The following ARVCF variants were observed in gnomAD, a reference collection of about 807,000 sequenced individuals.
The protein encoded by ARVCF is ARVCF delta catenin family member.
A neutral mutation model predicts 90.9 loss-of-function variants in ARVCF; 66 were observed. The observed-to-expected ratio is 0.73, with a 90% CI of 0.60 to 0.89. ARVCF has a LOEUF of 0.89. Among genes scored for constraint, ARVCF ranks in the 40% least tolerant of loss-of-function variants. The pLI, the probability that ARVCF is intolerant of heterozygous loss-of-function variation, is 0.00. For missense variants in ARVCF, 1,469 were observed against 1,382.3 expected, an observed-to-expected ratio of 1.06 and a Z score of -1.00; for synonymous variants, 653 against 603.4, an observed-to-expected ratio of 1.08 and a Z score of -1.21.
intron 14 of ARVCF, 40 bp from the exon 15 acceptor site, chr22:19,973,076 C>G: frequency 3.1e-6 from 5 of 1,607,508 alleles, no homozygotes; most frequent in Non-Finnish European, 4.2e-6. Flanking sequence ...GCCCCTCCCC[C>G]ACCTCCGCGG....
chr22:19,971,550 G>C (rs1942789716), intron 18 of ARVCF, among the ~76,000 whole-genome samples: 1 of 152,210 alleles, frequency 6.6e-6, no homozygotes, highest in Admixed American at 6.5e-5. Flanking sequence ...AGGAAGCCAG[G>C]GGATTGGCAC....
At position 20,012,090 on chromosome 22, in the gene ARVCF, C is replaced by CA. The variant is rs1555954492; in HGVS notation, c.-72-1583dup. 1.6e-4 allele frequency among the ~76,000 whole-genome samples: 24 copies of CA among 146,338 alleles called. No individual in the cohort carries two copies. The Middle Eastern group carries it at 0.011, about 66-fold the overall frequency. ...CAGGCCTCCCAAAGTCCCCCCCCCCCACCCAGTTGGGGAAGTGTGACCAAA... is the reference window on the plus strand; with the variant it reads ...CAGGCCTCCCAAAGTCCCCCCCCCCCAACCCAGTTGGGGAAGTGTGACCAAA... On this transcript the variant is annotated intron_variant, in intron 1 of 19. Coordinates refer to ENST00000263207, the MANE Select transcript of ARVCF (RefSeq NM_001670.3).
chr22:19,966,377 G>C (rs895425888), downstream of ARVCF, among the ~76,000 whole-genome samples: 2 of 151,082 alleles, frequency 1.3e-5, no homozygotes, highest in Non-Finnish European at 2.9e-5. Flanking sequence ...CCTCTCCACC[G>C]GGCTGCTGTA....
chr22:19,976,788 C>T, intron 9 of ARVCF, 65 bp from the exon 10 acceptor site: 4 of 1,535,096 alleles, frequency 2.6e-6, no homozygotes, highest in East Asian at 2.4e-5. Flanking sequence ...TCATCACCCC[C>T]CCATGCCCTC....
intron 3 of ARVCF, among the ~76,000 whole-genome samples, chr22:19,982,491 C>G (rs2238780): frequency 0.92 from 139,674 of 152,162 alleles, 64,676 homozygotes; most frequent in African/African-American, 0.97. Flanking sequence ...AGACCTGCAG[C>G]ATGCCTTCCT....
rs750153012 is a variant in ARVCF, at chr22:19,972,822, A to G, written c.2556T>C (p.Ala852=). 20 of 1,613,644 alleles carry G rather than the reference A, an allele frequency of 1.2e-5. No homozygotes were observed. The African/African-American group carries it at 2.5e-4, about 20-fold the overall frequency. Residue 852 remains alanine, a synonymous_variant, in exon 16 of 20, where the codon GCT becomes GCC. Coordinates refer to ENST00000263207, the MANE Select transcript of ARVCF (RefSeq NM_001670.3). ...CCTTAGGCCCCTTGGCAGTAGCAGC[A>G]GCTGACTGAGACATAAAACACAGAC... is the stretch of plus-strand genomic sequence containing the variant. ...DGWTKARFQS[A]AATAKGPKGA...
At chr22:19,973,456 T>G (rs886089368) in intron 13 of ARVCF, 139 bp from the exon 14 acceptor site, 7 of 1,326,152 alleles carry the variant, frequency 5.3e-6, no homozygotes, top group African/African-American at 1.5e-5. Context: ...GGAGCCCCTG[T>G]GAGCAGGGCG....
At position 19,996,679 on chromosome 22, in the gene ARVCF, C is replaced by T. The variant is rs1360901043; in HGVS notation, c.-18-5867G>A. ...CTGCCCCTGCCAGTCTACCACTCCT[C>T]GAAGCACGCGCCGCTGGCATAATCA... On this transcript the variant is annotated intron_variant, in intron 2 of 19. Transcript: ENST00000263207. 3.9e-5 allele frequency among the ~76,000 whole-genome samples: 6 copies of T among 152,212 alleles called. No individual in the cohort carries two copies. In the South Asian group the frequency reaches 1.2e-3, roughly 32 times the overall value.
chr22:19,992,410 C>A (rs56237973), intron 2 of ARVCF, among the ~76,000 whole-genome samples: 7,446 of 152,272 alleles, frequency 0.049, 211 homozygotes, highest in South Asian at 0.084. Context: ...CTGCACTCCC[C>A]AAGCATGGTC....
Position 19,981,422 on chromosome 22 carries a change from G to C in ARVCF, c.685C>G (p.Leu229Val), listed in dbSNP as rs1943491829. ...GPGPGDGCFTLPGHREAFPVG... is the reference protein window; with the variant it reads ...GPGPGDGCFTVPGHREAFPVG... ...GGGAAGGCTTCCCGGTGGCCAGGCA[G>C]TGTGAAGCAGCCATCACCAGGGCCT... The change falls in exon 5 of 20, where the codon CTG (leucine) becomes GTG (valine). Residue 229 changes from leucine to valine, a missense_variant. Coordinates refer to ENST00000263207, the MANE Select transcript of ARVCF (RefSeq NM_001670.3). 6.4e-7 allele frequency: 1 copy of C among 1,573,782 alleles called. No homozygotes were observed. Among genetic ancestry groups the C allele is most frequent in the African/African-American group, 1.4e-5 (1 of 73,978 alleles).
At chr22:19,973,367 G>A (rs1942956342) in intron 13 of ARVCF, 50 bp from the exon 14 acceptor site, 5 of 1,530,644 alleles carry the variant, frequency 3.3e-6, no homozygotes, top group South Asian at 1.2e-5. Context: ...CACCTCTCCA[G>A]GAAGGAGCAG....
intron 7 of ARVCF, among the ~76,000 whole-genome samples, 176 bp downstream of exon 7, chr22:19,978,721 T>C (rs576462800): frequency 2.6e-4 from 40 of 151,620 alleles, no homozygotes; most frequent in African/African-American, 9.7e-4. Flanking sequence ...GGGACACCAC[T>C]TGGGGGTGAG....
chr22:19,986,962 C>T, intron 3 of ARVCF: 1 of 609,454 alleles, frequency 1.6e-6, no homozygotes, highest in Non-Finnish European at 3.0e-6. Flanking sequence ...CAATAGCTGC[C>T]TCGGGCCAGC....
At position 19,973,784 on chromosome 22, in the gene ARVCF, A is replaced by C; in HGVS notation, c.2098T>G (p.Tyr700Asp). Residue 700 changes from tyrosine to aspartate, a missense_variant, in exon 13 of 20, where the codon TAC becomes GAC. Physicochemically the swap from Tyr to Asp is radical, Grantham distance 160. Coordinates refer to ENST00000263207, the MANE Select transcript of ARVCF (RefSeq NM_001670.3). ...TCTTTGCGCACTGTGGCGCGGATGT[A>C]CGTGGCCCACTGCGGAGGCGGGGAG... ...LSAGNWMWAT[Y>D]IRATVRKERG... 6.2e-7 allele frequency: 1 copy of C among 1,605,292 alleles called. No individual in the cohort carries two copies. Among genetic ancestry groups the C allele is most frequent in the Non-Finnish European group, 8.5e-7 (1 of 1,179,072 alleles).
Position 19,982,084 on chromosome 22 carries a change from C to T in ARVCF, c.218G>A (p.Ser73Asn). The change falls in exon 4 of 20, where the codon AGC becomes AAC. Residue 73 changes from serine (S) to asparagine (N), a missense_variant. Coordinates refer to ENST00000263207, the MANE Select transcript of ARVCF (RefSeq NM_001670.3). ...GGCCAGTGAGGCCTGGCTGCCTGGG[C>T]TCTGCTCCTGGGGCAAGGAGGGACA... ...AWQQLVLQEQ[S>N]PGSQASLATM... The T allele has an allele frequency of 6.2e-7, 1 of 1,611,334 alleles. No individual in the cohort carries two copies. Among genetic ancestry groups the T allele is most frequent in the Non-Finnish European group, 8.5e-7 (1 of 1,179,868 alleles).
Position 19,984,275 on chromosome 22 carries a change from T to C in ARVCF, c.211-2184A>G, listed in dbSNP as rs1943651039. Among the ~76,000 whole-genome samples the C allele has an allele frequency of 2.0e-5, 3 of 152,162 alleles. No individual in the cohort carries two copies. In the South Asian group the frequency reaches 6.2e-4, roughly 31 times the overall value. On this transcript the variant is annotated intron_variant, in intron 3 of 19. Coordinates refer to ENST00000263207, the MANE Select transcript of ARVCF (RefSeq NM_001670.3). ...AGGGGAGGACATCTCAGGACCCCGA[T>C]GCCACTCTGTGGCCCAGCTTATCCC... is the stretch of plus-strand genomic sequence containing the variant.
intron 3 of ARVCF, chr22:19,986,740 A>G (rs1387271887): frequency 3.4e-6 from 1 of 291,176 alleles, no homozygotes; most frequent in East Asian, 5.9e-5. Context: ...GTCCCCAGGC[A>G]CCTGTCCTGG....
At chr22:19,972,858 T>C in intron 15 of ARVCF, 31 bp from the exon 16 acceptor site, 2 of 1,613,278 alleles carry the variant, frequency 1.2e-6, no homozygotes, top group African/African-American at 2.7e-5. Context: ...ACAGGGTGGG[T>C]GAAGCACATG....
intron 3 of ARVCF, among the ~76,000 whole-genome samples, chr22:19,987,347 G>T (rs1318709795): frequency 4.4e-4 from 64 of 146,092 alleles, no homozygotes; most frequent in African/African-American, 1.6e-3. Flanking sequence ...AGGGGGCGGG[G>T]CCCTGCAGCC....
Sources: gnomAD v4.1 joint callset for allele counts (sites outside exome capture counted in the v4.1 genomes callset) on GRCh38, gnomAD v4.1.1 for gene constraint, MANE v1.5 for transcripts, NCBI Gene and HGNC (gene_info 2026-07-23, HGNC 2026-07-21) for gene names.